Variants in PCED1B observed in about 807,000 individuals in gnomAD.
PCED1B encodes PC-esterase domain containing 1B.
For missense variants in PCED1B, 573 were observed against 573.9 expected (o/e 1.00, Z 0.02); for synonymous variants, 251 against 246.1 (o/e 1.02, Z -0.19).
chr12:47,197,983 C>G (rs1942656868), intron 2 of PCED1B, among the ~76,000 whole-genome samples: 1 of 152,150 alleles, frequency 6.6e-6, no homozygotes, highest in South Asian at 2.1e-4. Flanking sequence ...GAAGTGATAC[C>G]AATTCTCTAC....
At chr12:47,181,189 T>G (rs1415267346) in intron 2 of PCED1B, among the ~76,000 whole-genome samples, 2 of 152,048 alleles carry the variant, frequency 1.3e-5, no homozygotes, top group Non-Finnish European at 2.9e-5. Context: ...TTCACCATAT[T>G]GCCCAGGCTG....
chr12:47,234,126 T>C (rs1303606290), intron 3 of PCED1B, among the ~76,000 whole-genome samples: 1 of 152,156 alleles, frequency 6.6e-6, no homozygotes, highest in African/African-American at 2.4e-5. Flanking sequence ...GTAGCTGGGA[T>C]TACAGGCATG....
In PCED1B at chr12:47,236,213, T is replaced by C; in HGVS notation, c.1150T>C (p.Phe384Leu). The C allele has an allele frequency of 6.2e-7, 1 of 1,614,154 alleles. No individual in the cohort carries two copies. Among genetic ancestry groups the C allele is most frequent in the Non-Finnish European group, 8.5e-7 (1 of 1,180,018 alleles). The change falls in exon 4 of 4, where the codon TTC becomes CTC. Residue 384 changes from phenylalanine (F) to leucine (L), a missense_variant. Transcript: ENST00000546455. ...TGGTCCTCAGCTGCCTATGCCCTTC[T>C]TCCCCACACCCCGTTATCAGCGGCC... The part of the protein sequence containing the change: ...MVGPQLPMPF[F>L]PTPRYQRPAP...
chr12:47,179,913 G>C (rs1942041461), intron 2 of PCED1B, among the ~76,000 whole-genome samples: 1 of 152,078 alleles, frequency 6.6e-6, no homozygotes, highest in African/African-American at 2.4e-5. Context: ...ACATTGGGTT[G>C]ACTTATACTA....
At chr12:47,229,318 A>T (rs1943727574) in intron 3 of PCED1B, among the ~76,000 whole-genome samples, 1 of 151,412 alleles carries the variant, frequency 6.6e-6, no homozygotes, top group Non-Finnish European at 1.5e-5. Flanking sequence ...GGAGGCCAAG[A>T]CAGGAGAATC....
At chr12:47,217,279 G>A (rs906337831) in intron 3 of PCED1B, among the ~76,000 whole-genome samples, 1 of 151,660 alleles carries the variant, frequency 6.6e-6, no homozygotes, top group African/African-American at 2.4e-5. Flanking sequence ...GCACAGGCCT[G>A]TAGTCCCAGC....
chr12:47,213,255 C>T (rs1943149066), intron 2 of PCED1B, among the ~76,000 whole-genome samples: 1 of 151,994 alleles, frequency 6.6e-6, no homozygotes, highest in Admixed American at 6.6e-5. Context: ...GATTTCGTAC[C>T]CTAATAGAAA....
intron 2 of PCED1B, among the ~76,000 whole-genome samples, chr12:47,130,065 TA>T (rs1940059328): frequency 6.6e-6 from 1 of 152,210 alleles, no homozygotes; most frequent in African/African-American, 2.4e-5. Flanking sequence ...ATGGGTTTTT[TA>T]AAAATAAAAT....
At chr12:47,176,531 G>A (rs1465591831) in intron 2 of PCED1B, among the ~76,000 whole-genome samples, 1 of 152,214 alleles carries the variant, frequency 6.6e-6, no homozygotes, top group Non-Finnish European at 1.5e-5. Flanking sequence ...CACGCCGCAT[G>A]CCCCGTACCT....
At chr12:47,095,967 C>A (rs1938469636) in intron 1 of PCED1B, among the ~76,000 whole-genome samples, 1 of 152,010 alleles carries the variant, frequency 6.6e-6, no homozygotes, top group African/African-American at 2.4e-5. Context: ...ACATTCCTAG[C>A]CAGAGAAGCA....
chr12:47,090,669 C>T (rs1395423506), intron 1 of PCED1B, among the ~76,000 whole-genome samples: 3 of 152,104 alleles, frequency 2.0e-5, no homozygotes, highest in African/African-American at 7.2e-5. Context: ...ATTAGCTCAC[C>T]TGTTTTTATA....
intron 2 of PCED1B, among the ~76,000 whole-genome samples, chr12:47,168,669 C>T (rs1043499135): frequency 2.0e-5 from 3 of 152,120 alleles, no homozygotes. Context: ...CATAGATTTC[C>T]ATATGTCTTC....
chr12:47,206,555 C>T (rs1942916939), intron 2 of PCED1B: 1 of 152,306 alleles, frequency 6.6e-6, no homozygotes, highest in Non-Finnish European at 1.5e-5. Context: ...GTGTTTTGCT[C>T]CACCTCCTGC....
chr12:47,172,813 G>T (rs1009641597), intron 2 of PCED1B, among the ~76,000 whole-genome samples: 7 of 152,168 alleles, frequency 4.6e-5, no homozygotes, highest in Non-Finnish European at 8.8e-5. Flanking sequence ...ACTGTCTCCT[G>T]AGATCCTGCT....
At chr12:47,203,702 C>A (rs1045767753) in intron 2 of PCED1B, among the ~76,000 whole-genome samples, 4 of 152,298 alleles carry the variant, frequency 2.6e-5, no homozygotes, top group Non-Finnish European at 5.9e-5. Flanking sequence ...TTTTCATTAT[C>A]CAGTCTATTA....
At chr12:47,164,894 T>G (rs984227037) in intron 2 of PCED1B, among the ~76,000 whole-genome samples, 3 of 152,164 alleles carry the variant, frequency 2.0e-5, no homozygotes, top group African/African-American at 7.2e-5. Flanking sequence ...TTGGCTGAAA[T>G]AGCCAGGATG....
intron 2 of PCED1B, among the ~76,000 whole-genome samples, chr12:47,144,076 C>A (rs1379650120): frequency 6.6e-6 from 1 of 152,142 alleles, no homozygotes; most frequent in Non-Finnish European, 1.5e-5. Flanking sequence ...AGAAACCATG[C>A]CCCCACAGCT....
intron 1 of PCED1B, among the ~76,000 whole-genome samples, chr12:47,081,750 G>C (rs1474546157): frequency 6.6e-6 from 1 of 152,078 alleles, no homozygotes; most frequent in African/African-American, 2.4e-5. Flanking sequence ...TAAATGACCA[G>C]GTTTTTGCAG....
chr12:47,204,002 T>C (rs1942844628), intron 2 of PCED1B, among the ~76,000 whole-genome samples: 1 of 152,168 alleles, frequency 6.6e-6, no homozygotes, highest in Non-Finnish European at 1.5e-5. Flanking sequence ...CCAGCATCTG[T>C]TGTTTTTTGA....
Sources: gnomAD v4.1 joint callset for allele counts (sites outside exome capture counted in the v4.1 genomes callset) on GRCh38, gnomAD v4.1.1 for gene constraint, MANE v1.5 for transcripts, NCBI Gene and HGNC (gene_info 2026-07-23, HGNC 2026-07-21) for gene names.